ATXN8OS: variants seen among roughly 807,000 people sequenced by gnomAD.
ATXN8OS encodes the protein ATXN8 opposite strand lncRNA.
At chr13:70,144,361 A>G (rs1888754368) in intron 3 of ATXN8OS, among the ~76,000 whole-genome samples, 1 of 152,030 alleles carries the variant, frequency 6.6e-6, no homozygotes, top group South Asian at 2.1e-4. Flanking sequence ...GAACTTCTCT[A>G]ATTTTACATA....
At chr13:70,139,383 A>ACTACTACTACTACTGCTGCTGCTG in intron 3 of ATXN8OS, 7 of 458,324 alleles carry the variant, frequency 1.5e-5, no homozygotes, top group African/African-American at 9.3e-5. Flanking sequence ...TACTACTACT[A>ACTACTACTACTACTGCTGCTGCTG]CTGCTGCTGC....
chr13:70,170,428 G>A (rs1047897857), exon 5 of ATXN8OS, among the ~76,000 whole-genome samples: 3 of 152,196 alleles, frequency 2.0e-5, no homozygotes, highest in East Asian at 1.9e-4. Context: ...TAAGAATTTC[G>A]CCACTGGAGC....
chr13:70,124,145 T>C (rs1467162796), intron 2 of ATXN8OS, among the ~76,000 whole-genome samples: 2 of 152,170 alleles, frequency 1.3e-5, no homozygotes, highest in Non-Finnish European at 2.9e-5. Context: ...TATTATTTTT[T>C]GCCTTTGTGT....
intron 3 of ATXN8OS, among the ~76,000 whole-genome samples, chr13:70,137,882 A>G (rs1225342791): frequency 6.6e-6 from 1 of 152,230 alleles, no homozygotes; most frequent in African/African-American, 2.4e-5. Context: ...TCTGTACAGG[A>G]AGCATGGCTG....
chr13:70,122,191 T>C (rs747959654), intron 2 of ATXN8OS, among the ~76,000 whole-genome samples: 1 of 152,080 alleles, frequency 6.6e-6, no homozygotes, highest in African/African-American at 2.4e-5. Flanking sequence ...GCAACTGACA[T>C]GTGTCCCAGA....
chr13:70,139,380 A>ACAG, intron 3 of ATXN8OS: 1 of 574,178 alleles, frequency 1.7e-6, no homozygotes. Context: ...TACTACTACT[A>ACAG]CTACTGCTGC....
chr13:70,110,549 G>A (rs1888185248), intron 1 of ATXN8OS, among the ~76,000 whole-genome samples: 1 of 151,548 alleles, frequency 6.6e-6, no homozygotes. Flanking sequence ...TGAGAAGGAC[G>A]AGAAGAGAAG....
intron 4 of ATXN8OS, among the ~76,000 whole-genome samples, chr13:70,154,946 G>A (rs867845276): frequency 4.6e-5 from 7 of 152,296 alleles, no homozygotes; most frequent in South Asian, 4.1e-4. Flanking sequence ...GTGAAATCCT[G>A]TCTTTGTCTT....
At chr13:70,126,852 C>T (rs1360741154) in intron 2 of ATXN8OS, among the ~76,000 whole-genome samples, 2 of 151,446 alleles carry the variant, frequency 1.3e-5, no homozygotes, top group East Asian at 3.9e-4. Context: ...ATCTATATAT[C>T]AACAGATACA....
intron 3 of ATXN8OS, among the ~76,000 whole-genome samples, chr13:70,138,360 G>A (rs73214680): frequency 3.8e-4 from 56 of 148,436 alleles, no homozygotes; most frequent in Admixed American, 6.1e-4. Context: ...ACCAAGCTGC[G>A]AAAATCTAAA....
chr13:70,136,567 A>G (rs796909125), intron 3 of ATXN8OS, among the ~76,000 whole-genome samples: 17 of 152,116 alleles, frequency 1.1e-4, no homozygotes, highest in African/African-American at 4.1e-4. Flanking sequence ...CAGTTCTTAC[A>G]ATTTTAAAAA....
chr13:70,108,950 G>A (rs887030086), intron 1 of ATXN8OS, among the ~76,000 whole-genome samples: 1 of 152,208 alleles, frequency 6.6e-6, no homozygotes, highest in Non-Finnish European at 1.5e-5. Flanking sequence ...GAGGCGTACG[G>A]TAGAAATTTG....
At chr13:70,154,277 CT>C (rs1458132119) in intron 4 of ATXN8OS, among the ~76,000 whole-genome samples, 1 of 152,072 alleles carries the variant, frequency 6.6e-6, no homozygotes, top group Non-Finnish European at 1.5e-5. Flanking sequence ...TTAAATAAAC[CT>C]CCTTTGTTTG....
intron 4 of ATXN8OS, among the ~76,000 whole-genome samples, chr13:70,164,377 C>T (rs1889053446): frequency 6.6e-6 from 1 of 151,630 alleles, no homozygotes; most frequent in Non-Finnish European, 1.5e-5. Flanking sequence ...GCACAGAGTT[C>T]TACCAAGCAG....
chr13:70,134,217 A>T (rs1460044343), intron 3 of ATXN8OS, among the ~76,000 whole-genome samples: 1 of 152,190 alleles, frequency 6.6e-6, no homozygotes, highest in Non-Finnish European at 1.5e-5. Context: ...GTAAATTACA[A>T]AACATAGAAG....
At chr13:70,109,634 A>C (rs1888168625) in intron 1 of ATXN8OS, among the ~76,000 whole-genome samples, 1 of 152,212 alleles carries the variant, frequency 6.6e-6, no homozygotes, top group Non-Finnish European at 1.5e-5. Context: ...TTTATGCCAC[A>C]ACAGCTGGAC....
At chr13:70,113,441 T>C (rs781163138) in intron 1 of ATXN8OS, among the ~76,000 whole-genome samples, 5 of 152,134 alleles carry the variant, frequency 3.3e-5, no homozygotes, top group African/African-American at 4.8e-5. Context: ...TAACTAATAC[T>C]TATTTACAAA....
chr13:70,168,940 C>T (rs1275851487), intron 4 of ATXN8OS, among the ~76,000 whole-genome samples: 1 of 152,086 alleles, frequency 6.6e-6, no homozygotes, highest in Non-Finnish European at 1.5e-5. Flanking sequence ...ATTACATTGA[C>T]TATCACATGG....
chr13:70,138,731 T>G (rs1038030276), intron 3 of ATXN8OS, among the ~76,000 whole-genome samples: 2 of 152,130 alleles, frequency 1.3e-5, no homozygotes, highest in Non-Finnish European at 2.9e-5. Context: ...TTTCTATATT[T>G]ATACAAATTC....
Sources: gnomAD v4.1 joint callset for allele counts (sites outside exome capture counted in the v4.1 genomes callset) on GRCh38, gnomAD v4.1.1 for gene constraint, MANE v1.5 for transcripts, NCBI Gene and HGNC (gene_info 2026-07-23, HGNC 2026-07-21) for gene names.